The following DNM3 variants were observed in gnomAD, a reference collection of about 807,000 sequenced individuals.
The protein encoded by DNM3 is dynamin-3.
In DNM3, 47 loss-of-function variants were observed where a neutral mutation model predicts 101.6. The observed-to-expected ratio is 0.46, with a 90% confidence interval of 0.37 to 0.59. The LOEUF (loss-of-function observed/expected upper bound fraction) is 0.59, where lower values mean the gene tolerates loss of function less well. Ranked by LOEUF, DNM3 falls within the 20% of genes least tolerant of loss-of-function variation. DNM3 has a pLI of 0.00. For synonymous variants in DNM3, 385 were observed against 387.9 expected (o/e 0.99, Z 0.09); for missense variants, 849 against 1,085.7 (o/e 0.78, Z 3.06).
rs187457719 is a variant in DNM3 at position 172,064,301 on chromosome 1, C to A, written c.1336-4518C>A. ...ACAAATAAGAACTCCCATATTCTTA[C>A]AACTGTAGGCTTTTAATTTGACATT... On this transcript the variant is annotated intron_variant, in intron 10 of 20. Transcript: ENST00000627582. Among the ~76,000 whole-genome samples the A allele has an allele frequency of 2.6e-3, 394 of 152,160 alleles. 6 individuals are homozygous for A. Among genetic ancestry groups the A allele is most frequent in the South Asian group, 4.8e-3 (23 of 4,822 alleles).
Position 172,070,471 on chromosome 1 carries a change from G to T in DNM3, c.1422+1566G>T, listed in dbSNP as rs866315656. On this transcript the variant is annotated intron_variant, in intron 11 of 20. Coordinates refer to ENST00000627582, the MANE Select transcript of DNM3 (RefSeq NM_015569.5). Reference sequence around the variant, plus strand: ...AATCCTACTTAACTCTTTAGGATCCGCTGTCAAAATAATATTGGAGAAAAT... The same window carrying T: ...AATCCTACTTAACTCTTTAGGATCCTCTGTCAAAATAATATTGGAGAAAAT... Among the ~76,000 whole-genome samples the T allele has an allele frequency of 2.6e-5, 4 of 152,122 alleles. No homozygotes were observed. In the East Asian group the frequency reaches 5.8e-4, roughly 22 times the overall value.
chr1:172,224,630 A>G (rs541941311), intron 14 of DNM3, among the ~76,000 whole-genome samples: 30 of 152,298 alleles, frequency 2.0e-4, no homozygotes, highest in African/African-American at 4.8e-4. Flanking sequence ...CTGCATTTTC[A>G]CTGCTTACTT....
chr1:172,252,725 T>C (rs1359024582), intron 14 of DNM3, among the ~76,000 whole-genome samples: 1 of 152,146 alleles, frequency 6.6e-6, no homozygotes, highest in Admixed American at 6.6e-5. Context: ...CATTTTTACA[T>C]GTAAATAATA....
chr1:172,240,466 G>A (rs1437136259), intron 14 of DNM3, among the ~76,000 whole-genome samples: 1 of 152,084 alleles, frequency 6.6e-6, no homozygotes, highest in Non-Finnish European at 1.5e-5. Flanking sequence ...GTGATTTTCT[G>A]ACCTCCATTT....
chr1:171,968,595 GA>G (rs1366433874), intron 2 of DNM3, among the ~76,000 whole-genome samples: 4 of 152,198 alleles, frequency 2.6e-5, no homozygotes, highest in Non-Finnish European at 5.9e-5. Flanking sequence ...GAAGGTTAGA[GA>G]AATAACTTAG....
At chr1:172,173,652 T>A (rs1277586142) in intron 14 of DNM3, among the ~76,000 whole-genome samples, 2 of 151,626 alleles carry the variant, frequency 1.3e-5, no homozygotes, top group Admixed American at 1.3e-4. Flanking sequence ...GGGAGAAGTC[T>A]AATTTCAAGG....
At chr1:172,123,429 G>A (rs1260470731) in intron 13 of DNM3, among the ~76,000 whole-genome samples, 3 of 152,052 alleles carry the variant, frequency 2.0e-5, no homozygotes, top group African/African-American at 7.2e-5. Context: ...TGTGTTTCTG[G>A]GGCCAGGGCA....
At chr1:172,302,958 C>T (rs1463284587) in intron 15 of DNM3, among the ~76,000 whole-genome samples, 1 of 152,080 alleles carries the variant, frequency 6.6e-6, no homozygotes, top group Non-Finnish European at 1.5e-5. Flanking sequence ...TTCTAAAAAC[C>T]AGAGCACTTT....
At chr1:172,239,912 C>T (rs528898336) in intron 14 of DNM3, among the ~76,000 whole-genome samples, 3 of 142,760 alleles carry the variant, frequency 2.1e-5, no homozygotes, top group Non-Finnish European at 3.0e-5. Context: ...AGCCCAGTTT[C>T]GGCATGGAGA....
In DNM3 at chr1:171,925,186, C is replaced by T. The variant is rs146403480; in HGVS notation, c.235+3365C>T. Among the ~76,000 whole-genome samples, 443 of 148,922 alleles carry T rather than the reference C, an allele frequency of 3.0e-3. 2 individuals carry two copies. The highest frequency in any genetic ancestry group is 3.2e-3 in the Non-Finnish European group (217 of 67,310). ...AAAGTGTTGGGATTACAGGCATGAG[C>T]CACCATGCCCGGCCCTTTGCCCACT... On this transcript the variant is annotated intron_variant, in intron 2 of 20. Transcript: ENST00000627582.
Position 172,412,249 on chromosome 1 carries a change from T to G in DNM3, c.*4408T>G, listed in dbSNP as rs776322059. 6 of 985,276 alleles carry G rather than the reference T, an allele frequency of 6.1e-6. No individual in the cohort carries two copies. Among genetic ancestry groups the G allele is most frequent in the Non-Finnish European group, 6.0e-6 (5 of 829,820 alleles). The allele number at this position is 985,276 out of a possible 1,614,324, so 61.0% of individuals were successfully genotyped here. On this transcript the variant is annotated 3_prime_UTR_variant, in exon 21 of 21. Coordinates refer to ENST00000627582, the MANE Select transcript of DNM3 (RefSeq NM_015569.5). ...ATTTTTACTCTTGAATTCCTTAAACTTCGCTCATTATGAAATGTTTTAAAA... is the reference window on the plus strand; with the variant it reads ...ATTTTTACTCTTGAATTCCTTAAACGTCGCTCATTATGAAATGTTTTAAAA...
chr1:171,992,448 A>C (rs2045700523), intron 4 of DNM3, among the ~76,000 whole-genome samples: 1 of 152,142 alleles, frequency 6.6e-6, no homozygotes, highest in Admixed American at 6.6e-5. Context: ...AGTCAGGAGT[A>C]TGTCATTTTA....
intron 13 of DNM3, among the ~76,000 whole-genome samples, chr1:172,125,718 T>C (rs528632215): frequency 2.1e-4 from 32 of 152,218 alleles, no homozygotes; most frequent in Non-Finnish European, 4.1e-4. Flanking sequence ...CATGTAATTA[T>C]GGGTTTGCTT....
intron 2 of DNM3, chr1:171,987,299 G>T: frequency 1.0e-6 from 1 of 985,318 alleles, no homozygotes; most frequent in Non-Finnish European, 1.2e-6. Context: ...AATGCTAACA[G>T]AACTCAGAGG....
chr1:172,071,785 C>T (rs2052216660), intron 11 of DNM3, among the ~76,000 whole-genome samples: 1 of 151,200 alleles, frequency 6.6e-6, no homozygotes, highest in South Asian at 2.1e-4. Flanking sequence ...ACTTTCTGGG[C>T]AACTACTGCT....
chr1:172,004,241 G>T (rs1395930034), intron 4 of DNM3, among the ~76,000 whole-genome samples: 1 of 151,994 alleles, frequency 6.6e-6, no homozygotes, highest in Non-Finnish European at 1.5e-5. Flanking sequence ...AGAGAAGAAA[G>T]AAAAATGGGA....
intron 1 of DNM3, among the ~76,000 whole-genome samples, chr1:171,851,694 G>A (rs765063476): frequency 2.6e-5 from 4 of 152,326 alleles, no homozygotes; most frequent in Non-Finnish European, 5.9e-5. Context: ...GATTATAGGC[G>A]TGAGCCACTG....
intron 2 of DNM3, among the ~76,000 whole-genome samples, chr1:171,935,768 A>ATT (rs1184683663): frequency 5.6e-5 from 3 of 53,772 alleles, no homozygotes; most frequent in Non-Finnish European, 1.6e-4. Context: ...ACAAATCAAA[A>ATT]CTTTTTTTTT....
chr1:172,123,509 G>A (rs1008990855), intron 13 of DNM3, among the ~76,000 whole-genome samples: 4 of 152,158 alleles, frequency 2.6e-5, no homozygotes, highest in African/African-American at 9.7e-5. Context: ...AGTGTCTTAG[G>A]TGAGAGAGAC....
Sources: gnomAD v4.1 joint callset for allele counts (sites outside exome capture counted in the v4.1 genomes callset) on GRCh38, gnomAD v4.1.1 for gene constraint, MANE v1.5 for transcripts, NCBI Gene and HGNC (gene_info 2026-07-23, HGNC 2026-07-21) for gene names.